The following TAF5L variants were observed in gnomAD, a reference collection of about 807,000 sequenced individuals.
TAF5L encodes the protein TAF5-like RNA polymerase II p300/CBP-associated factor-associated factor 65 kDa subunit 5L.
Under a neutral mutation model 51.3 loss-of-function variants are expected in TAF5L, and 7 were observed. That is an observed-to-expected ratio of 0.14 (90% CI 0.08 to 0.26). TAF5L has a LOEUF of 0.26. Among genes scored for constraint, TAF5L ranks in the 10% least tolerant of loss-of-function variants. TAF5L has a pLI of 1.00. For missense variants in TAF5L, 575 were observed against 758.9 expected (o/e 0.76, Z 2.85); for synonymous variants, 291 against 308.1 (o/e 0.94, Z 0.58).
chr1:229,599,064 C>T (rs1664262058), intron 4 of TAF5L: 1 of 155,872 alleles, frequency 6.4e-6, no homozygotes, highest in Non-Finnish European at 1.4e-5. Context: ...CTCTTCATCT[C>T]AGTGTCTGAA....
intron 4 of TAF5L, chr1:229,601,195 A>T: frequency 1.0e-6 from 1 of 985,424 alleles, no homozygotes; most frequent in South Asian, 4.7e-5. Flanking sequence ...CTGGAAGTGG[A>T]CTCAGAAAAC....
chr1:229,604,447 T>C (rs1489263737), intron 3 of TAF5L, among the ~76,000 whole-genome samples: 1 of 152,208 alleles, frequency 6.6e-6, no homozygotes, highest in African/African-American at 2.4e-5. Flanking sequence ...CCAGCCACTT[T>C]GGGCTCCTCA....
At chr1:229,623,155 T>A (rs1281158509) in intron 1 of TAF5L, among the ~76,000 whole-genome samples, 2 of 152,144 alleles carry the variant, frequency 1.3e-5, no homozygotes, top group South Asian at 4.1e-4. Context: ...ATGCCTGTAG[T>A]CCCAGGTACT....
Position 229,600,627 on chromosome 1 carries a change from C to T in TAF5L, c.972+1568G>A, listed in dbSNP as rs563660719. The T allele has an allele frequency of 7.2e-4, 713 of 985,438 alleles. 1 individual carries two copies. Among genetic ancestry groups the T allele is most frequent in the Non-Finnish European group, 8.4e-4 (695 of 829,944 alleles). The allele number at this position is 985,438 out of a possible 1,614,324, so 61.0% of individuals were successfully genotyped here. A position where few individuals can be genotyped will look rare whatever the true frequency, so the allele number is the denominator to read the frequency against. On this transcript the variant is annotated intron_variant, in intron 4 of 4. Coordinates refer to ENST00000258281, the Ensembl canonical transcript of TAF5L. ...CATATAAGACAGTGTCACTACATCA[C>T]TTCCTGTCTTGGCCCCTCTCCTAAC...
intron 4 of TAF5L, chr1:229,599,901 T>G (rs934588244): frequency 2.0e-6 from 2 of 985,338 alleles, no homozygotes; most frequent in African/African-American, 1.7e-5. Flanking sequence ...AAGCAGAGAG[T>G]GCAAGCTGGC....
chr1:229,609,341 G>GA (rs1664709380), intron 3 of TAF5L, among the ~76,000 whole-genome samples: 3 of 152,124 alleles, frequency 2.0e-5, no homozygotes, highest in Admixed American at 2.0e-4. Flanking sequence ...AAGCATAGGT[G>GA]TATAATAAAA....
chr1:229,623,754 A>G (rs1665313032), intron 1 of TAF5L, among the ~76,000 whole-genome samples: 1 of 152,204 alleles, frequency 6.6e-6, no homozygotes, highest in African/African-American at 2.4e-5. Flanking sequence ...CAACAAACCT[A>G]TGAGGTAGGT....
chr1:229,619,998 AT>A (rs1378543571), intron 1 of TAF5L, among the ~76,000 whole-genome samples: 1 of 152,160 alleles, frequency 6.6e-6, no homozygotes, highest in East Asian at 1.9e-4. Flanking sequence ...AGCCGGCTTA[AT>A]GGTGCCACTA....
chr1:229,610,152 G>A (rs1372618435), exon 3 of TAF5L: 1 of 1,614,002 alleles, frequency 6.2e-7, no homozygotes, highest in African/African-American at 1.3e-5. Context: ...CATATTGCTG[G>A]GGTTCTGCCT....
intron 1 of TAF5L, among the ~76,000 whole-genome samples, chr1:229,624,879 C>T (rs1665371537): frequency 6.6e-6 from 1 of 152,176 alleles, no homozygotes. Flanking sequence ...CCTACATCCC[C>T]AACTCAGGTG....
intron 4 of TAF5L, among the ~76,000 whole-genome samples, chr1:229,598,539 C>T (rs975955255): frequency 7.2e-5 from 11 of 151,852 alleles, no homozygotes; most frequent in Admixed American, 6.6e-5. Context: ...GTTAAGGAGG[C>T]GGGTGCTGGT....
intron 1 of TAF5L, among the ~76,000 whole-genome samples, chr1:229,620,692 G>A (rs1665169485): frequency 6.6e-6 from 1 of 152,158 alleles, no homozygotes; most frequent in Non-Finnish European, 1.5e-5. Context: ...TTACAGCACA[G>A]AAAAACTGCT....
chr1:229,604,927 G>T (rs1664527213), intron 3 of TAF5L, among the ~76,000 whole-genome samples: 1 of 151,976 alleles, frequency 6.6e-6, no homozygotes, highest in African/African-American at 2.4e-5. Flanking sequence ...CCTTATCATG[G>T]AACATCGGAT....
At position 229,610,167 on chromosome 1, in the gene TAF5L, A is replaced by T. The variant is rs189394215; in HGVS notation, c.186T>A (p.Pro62=). The change falls in exon 3 of 5, where the codon CCT becomes CCA. Residue 62 remains proline, a synonymous_variant. Transcript: ENST00000258281. ...CATATTGCTGGGGTTCTGCCTGGCA[A>T]GGGGCTGCAGACACTATGTTGGCAC... 52 of 1,614,178 alleles carry T rather than the reference A, an allele frequency of 3.2e-5. No individual in the cohort carries two copies. In the Admixed American group the frequency reaches 4.0e-4, roughly 12 times the overall value.
At chr1:229,604,998 C>T (rs1205957424) in intron 3 of TAF5L, among the ~76,000 whole-genome samples, 8 of 152,172 alleles carry the variant, frequency 5.3e-5, no homozygotes, top group Admixed American at 3.9e-4. Flanking sequence ...AGTACAGTGG[C>T]GCGATCTCGG....
At chr1:229,613,171 A>AAC (rs1282243318) in intron 2 of TAF5L, among the ~76,000 whole-genome samples, 1 of 150,332 alleles carries the variant, frequency 6.7e-6, no homozygotes, top group Non-Finnish European at 1.5e-5. Context: ...TAACAAGCAA[A>AAC]AAAAAAAAAA....
intron 4 of TAF5L, among the ~76,000 whole-genome samples, chr1:229,595,620 G>A (rs1400539881): frequency 6.6e-6 from 1 of 152,122 alleles, no homozygotes; most frequent in African/African-American, 2.4e-5. Context: ...CATGATGGGG[G>A]TTAATGATGG....
chr1:229,610,796 C>T (rs1664759245), intron 2 of TAF5L, among the ~76,000 whole-genome samples: 1 of 152,152 alleles, frequency 6.6e-6, no homozygotes, highest in Admixed American at 6.5e-5. Context: ...ACTATTTCCC[C>T]CTACATTACT....
chr1:229,602,786 A>G lies in TAF5L; in HGVS notation c.381T>C (p.Phe127=), dbSNP rs1664434975. ...CATCCTTCTGGCTAGCATTCTGCAG[A>G]AACATTCCATGGAAGCGGCTGTAAA... is the stretch of plus-strand genomic sequence containing the variant. Residue 127 remains phenylalanine (F), a synonymous_variant, in exon 4 of 5, where the codon TTT becomes TTC. Coordinates refer to ENST00000258281, the Ensembl canonical transcript of TAF5L. This position sits in a 1 kb window ranked among gnomAD's most constrained non-coding sequence, Gnocchi z 4.6. 6.2e-7 allele frequency: 1 copy of G among 1,614,144 alleles called. No individual in the cohort carries two copies. The highest frequency in any genetic ancestry group is 8.5e-7 in the Non-Finnish European group (1 of 1,180,032).
Sources: allele counts gnomAD v4.1 joint callset (sites outside exome capture counted in the v4.1 genomes callset), GRCh38; gene constraint gnomAD v4.1.1; non-coding constraint Gnocchi (gnomAD v3.1); transcripts MANE v1.5; gene names NCBI Gene and HGNC (gene_info 2026-07-23, HGNC 2026-07-21).